The following ATP8B3 variants were observed in gnomAD, a reference collection of about 807,000 sequenced individuals.
The protein encoded by ATP8B3 is phospholipid-transporting ATPase IK.
In ATP8B3, 141 loss-of-function variants were observed where a neutral mutation model predicts 140.9. The ratio of observed to expected loss-of-function variants is 1.00; its 90% CI spans 0.87 to 1.15. The LOEUF (loss-of-function observed/expected upper bound fraction) is 1.15, where lower values mean the gene tolerates loss of function less well. Among genes scored for constraint, ATP8B3 ranks in the 50% most tolerant of loss-of-function variants. The probability of loss-of-function intolerance (pLI) is 0.00; values close to 1 mark genes in which losing one functional copy is unlikely to be tolerated. For missense variants in ATP8B3, 1,874 were observed against 1,740.6 expected (o/e 1.08, Z -1.36); for synonymous variants, 765 against 714.6 (o/e 1.07, Z -1.13).
chr19:1,795,818 C>T, intron 18 of ATP8B3, 57 bp downstream of exon 18: 2 of 1,096,304 alleles, frequency 1.8e-6, no homozygotes, highest in Non-Finnish European at 2.7e-6. Flanking sequence ...CACACACACA[C>T]ACACACACAC....
rs1253607756 is a variant in ATP8B3 at position 1,789,620 on chromosome 19, G to C, written c.2586C>G (p.Tyr862Ter). 6.3e-6 allele frequency: 10 copies of C among 1,593,586 alleles called. No homozygotes were observed. The highest frequency in any genetic ancestry group is 1.7e-4 in the Middle Eastern group (1 of 5,974). The change falls in exon 23 of 29, where the codon TAC becomes TAG. Residue 862 changes from tyrosine to a stop codon, truncating the protein, a stop_gained. Coordinates refer to ENST00000310127, the MANE Select transcript of ATP8B3 (RefSeq NM_138813.4). LOFTEE classifies it high-confidence loss of function. ...GGCACAGCAGGGACAGGCGCCTGGC[G>C]TAGAGGAAATCCCTCCTGGACTGGC... Reference protein sequence around the residue: ...ELGQSRRDFLYARRLSLLCRR... With the variant: ...ELGQSRRDFL
chr19:1,792,621 G>C (rs764495676), intron 18 of ATP8B3, among the ~76,000 whole-genome samples: 1 of 146,532 alleles, frequency 6.8e-6, no homozygotes, highest in Admixed American at 6.9e-5. Flanking sequence ...GAAAGAAAGC[G>C]GGGAAGAGGG....
chr19:1,793,377 A>G (rs1381464458), intron 18 of ATP8B3, among the ~76,000 whole-genome samples: 1 of 152,186 alleles, frequency 6.6e-6, no homozygotes, highest in East Asian at 1.9e-4. Flanking sequence ...CTGAGATTAC[A>G]GGCAGAAGCC....
In ATP8B3 at chr19:1,799,972, C is replaced by G. The variant is rs1555809226; in HGVS notation, c.1527G>C (p.Lys509Asn). 6.2e-7 allele frequency: 1 copy of G among 1,604,174 alleles called. No individual in the cohort carries two copies. Among genetic ancestry groups the G allele is most frequent in the Non-Finnish European group, 8.5e-7 (1 of 1,175,752 alleles). Residue 509 changes from lysine (K) to asparagine (N), a missense_variant, in exon 14 of 29, where the codon AAG becomes AAC. Physicochemically the swap from Lys to Asn is moderately conservative, Grantham distance 94. Around this residue, in one of 3 missense-constraint regions of ATP8B3, gnomAD observed 1,032 missense variants for 963.6 expected, o/e 1.07. Transcript: ENST00000310127. Reference sequence around the variant, plus strand: ...CATAGACGCGGCCGCTGATGCAGCACTTGTTGAAGGTCAAGATGTTCTGCG... The same window carrying G: ...CATAGACGCGGCCGCTGATGCAGCAGTTGTTGAAGGTCAAGATGTTCTGCG... ...TLTQNILTFNKCCISGRVYGP... is the reference protein window; with the variant it reads ...TLTQNILTFNNCCISGRVYGP...
At position 1,789,739 on chromosome 19, in the gene ATP8B3, G is replaced by A; in HGVS notation, c.2479-12C>T. 1.9e-6 allele frequency: 3 copies of A among 1,548,462 alleles called. No homozygotes were observed. Among genetic ancestry groups the A allele is most frequent in the Non-Finnish European group, 2.6e-6 (3 of 1,152,742 alleles). ...ACCAGCAGTTTGTCCTGGCCGGCGG[G>A]GAGGGGGCTGTGCCAGGCGCCGTGG... On this transcript the variant is annotated splice_polypyrimidine_tract_variant and intron_variant, in intron 22 of 28. Coordinates refer to ENST00000310127, the MANE Select transcript of ATP8B3 (RefSeq NM_138813.4).
In ATP8B3 at chr19:1,805,188, TG is replaced by T; in HGVS notation, c.904+185del. On this transcript the variant is annotated intron_variant, in intron 10 of 28. Transcript: ENST00000310127. The surrounding 1 kb of genome is among the most constrained non-coding windows in gnomAD (Gnocchi z 5.2). ...TGGGGTCTCGTTATGTTGTCCAGGC[TG>T]GTCTTGAATTCCTGGGCTGAAGTGA... is the stretch of plus-strand genomic sequence containing the variant. 1 of 660,584 alleles carries T rather than the reference TG, an allele frequency of 1.5e-6. No homozygotes were observed. Among genetic ancestry groups the T allele is most frequent in the Non-Finnish European group, 2.8e-6 (1 of 361,418 alleles). 40.9% of individuals were successfully genotyped at this position (660,584 alleles called of 1,614,324 possible).
chr19:1,806,765 C>T lies in ATP8B3; in HGVS notation c.616-76G>A. The stretch of plus-strand genomic sequence containing the variant: ...CGCCCAGGCCGCTGCCGCACTGCAG[C>T]CCAGCAGTGCCCGCCCGCAACACGG... On this transcript the variant is annotated intron_variant, in intron 6 of 28. Coordinates refer to ENST00000310127, the MANE Select transcript of ATP8B3 (RefSeq NM_138813.4). This position sits in a 1 kb window ranked among gnomAD's most constrained non-coding sequence, Gnocchi z 5.6. 1 of 1,442,138 alleles carries T rather than the reference C, an allele frequency of 6.9e-7. No homozygotes were observed. 89.3% of individuals were successfully genotyped at this position (1,442,138 alleles called of 1,614,324 possible).
At chr19:1,787,063 G>T in intron 25 of ATP8B3, 40 bp downstream of exon 25, 1 of 1,515,732 alleles carries the variant, frequency 6.6e-7, no homozygotes, top group Non-Finnish European at 9.0e-7. Context: ...GAGAGGCTAA[G>T]CAGAGACCTG....
At position 1,800,723 on chromosome 19, in the gene ATP8B3, G is replaced by T. The variant is rs1435581986; in HGVS notation, c.1153-274C>A. Among the ~76,000 whole-genome samples, 5 of 152,142 alleles carry T rather than the reference G, an allele frequency of 3.3e-5. No individual in the cohort carries two copies. Among genetic ancestry groups the T allele is most frequent in the African/African-American group, 7.2e-5 (3 of 41,424 alleles). On this transcript the variant is annotated intron_variant, in intron 12 of 28. Transcript: ENST00000310127. The surrounding 1 kb of genome is among the most constrained non-coding windows in gnomAD (Gnocchi z 4.4). ...ACCTGTAGTCTCAGCTGCTCAGAAG[G>T]CTGAGGCCGAGGATCGCTTGAGCCC...
chr19:1,811,105 T>C (rs1044364023), intron 2 of ATP8B3, among the ~76,000 whole-genome samples: 6 of 152,170 alleles, frequency 3.9e-5, no homozygotes, highest in African/African-American at 9.7e-5. Context: ...CCTCTCCCCA[T>C]GTGGCACCAG....
In ATP8B3 at chr19:1,805,087, C is replaced by T. The variant is rs2068969619; in HGVS notation, c.904+287G>A. On this transcript the variant is annotated intron_variant, in intron 10 of 28. Transcript: ENST00000310127. This position sits in a 1 kb window ranked among gnomAD's most constrained non-coding sequence, Gnocchi z 5.2. The stretch of plus-strand genomic sequence containing the variant: ...CCTCCCTGAGCTCAAGCGAGCCTCC[C>T]ACCTCAGCCTCCCAAGTAGCTGGGA... The T allele has an allele frequency of 4.7e-6, 2 of 424,962 alleles. No homozygotes were observed. Among genetic ancestry groups the T allele is most frequent in the Admixed American group, 7.0e-5 (2 of 28,644 alleles). The allele number at this position is 424,962 out of a possible 1,614,324, so 26.3% of individuals were successfully genotyped here. A position where few individuals can be genotyped will look rare whatever the true frequency, so the allele number is the denominator to read the frequency against.
intron 11 of ATP8B3, 43 bp downstream of exon 11, chr19:1,802,444 C>A: frequency 1.4e-6 from 2 of 1,475,740 alleles, no homozygotes; most frequent in Non-Finnish European, 1.8e-6. Context: ...TACCACGCTC[C>A]CATCAGTACA....
intron 10 of ATP8B3, among the ~76,000 whole-genome samples, chr19:1,803,764 C>T (rs10420018): frequency 0.027 from 4,180 of 152,030 alleles, 187 homozygotes; most frequent in African/African-American, 0.096. Flanking sequence ...GGCGTGGTGG[C>T]GGGCGCCTGG....
At position 1,807,174 on chromosome 19, in the gene ATP8B3, G is replaced by A. The variant is rs367593614; in HGVS notation, c.609C>T (p.Asp203=). ...LFIRATRDLV[D]DMGRHKSDRA... The stretch of plus-strand genomic sequence containing the variant: ...TGCATCCAACAGCACTCACCATGTC[G>A]TCCACCAGGTCCCGGGTGGCACGGA... The change falls in exon 6 of 29, where the codon GAC becomes GAT. Residue 203 remains aspartate (D), a synonymous_variant. Coordinates refer to ENST00000310127, the MANE Select transcript of ATP8B3 (RefSeq NM_138813.4). This position sits in a 1 kb window ranked among gnomAD's most constrained non-coding sequence, Gnocchi z 5.9. The A allele has an allele frequency of 5.8e-5, 93 of 1,611,518 alleles. No individual in the cohort carries two copies. Among genetic ancestry groups the A allele is most frequent in the East Asian group, 1.8e-4 (8 of 44,794 alleles).
At chr19:1,790,099 G>T in intron 21 of ATP8B3, 110 bp from the exon 22 acceptor site, 8 of 631,316 alleles carry the variant, frequency 1.3e-5, no homozygotes, top group East Asian at 3.1e-5. Context: ...CCCCACCCCT[G>T]CCCCTTCTCC....
chr19:1,797,468 T>A (rs1001093557), intron 14 of ATP8B3, among the ~76,000 whole-genome samples: 3 of 142,462 alleles, frequency 2.1e-5, no homozygotes, highest in African/African-American at 7.7e-5. Flanking sequence ...TCTTTTTTAT[T>A]TTTATTTATT....
At chr19:1,796,557 C>T (rs1435574006) in intron 16 of ATP8B3, among the ~76,000 whole-genome samples, 154 bp downstream of exon 16, 4 of 152,238 alleles carry the variant, frequency 2.6e-5, no homozygotes, top group African/African-American at 9.6e-5. Context: ...CAGGCCCGGA[C>T]GCCCTCGAGG....
chr19:1,791,307 C>A (rs765933420), intron 20 of ATP8B3, among the ~76,000 whole-genome samples: 30 of 151,798 alleles, frequency 2.0e-4, no homozygotes, highest in Non-Finnish European at 3.7e-4. Context: ...ACCTCCTGGG[C>A]ATAAGCGAGC....
At chr19:1,796,404 A>G (rs1360153330) in intron 16 of ATP8B3, 139 bp from the exon 17 acceptor site, 1 of 871,892 alleles carries the variant, frequency 1.1e-6, no homozygotes, top group East Asian at 2.7e-5. Flanking sequence ...AACCCAATGC[A>G]TGGAGGTGAG....
Sources: allele counts gnomAD v4.1 joint callset (sites outside exome capture counted in the v4.1 genomes callset), GRCh38; gene constraint gnomAD v4.1.1; regional missense constraint gnomAD v4.1.1; non-coding constraint Gnocchi (gnomAD v3.1); transcripts MANE v1.5; gene names NCBI Gene and HGNC (gene_info 2026-07-23, HGNC 2026-07-21).